CCSER2: variants seen among roughly 807,000 people sequenced by gnomAD.
CCSER2 encodes coiled-coil serine rich protein 2.
A neutral mutation model predicts 92.3 loss-of-function variants in CCSER2; 46 were observed. The ratio of observed to expected loss-of-function variants is 0.50; its 90% confidence interval spans 0.39 to 0.64. CCSER2 has a LOEUF of 0.64. Ranked by LOEUF, CCSER2 falls within the 30% of genes least tolerant of loss-of-function variation. The probability of loss-of-function intolerance (pLI) is 0.00; values close to 1 mark genes in which losing one functional copy is unlikely to be tolerated. For synonymous variants in CCSER2, 433 were observed against 431.4 expected (o/e 1.00, Z -0.04); for missense variants, 1,244 against 1,238.9 (o/e 1.00, Z -0.06).
At chr10:84,473,411 A>G (rs1846936289) in intron 8 of CCSER2, among the ~76,000 whole-genome samples, 1 of 152,222 alleles carries the variant, frequency 6.6e-6, no homozygotes, top group South Asian at 2.1e-4. Flanking sequence ...GGCTAATGTT[A>G]GTGTGGTTTT....
chr10:84,393,519 G>A (rs953318982), intron 3 of CCSER2, among the ~76,000 whole-genome samples: 1 of 152,104 alleles, frequency 6.6e-6, no homozygotes, highest in Non-Finnish European at 1.5e-5. Context: ...GTTAATGGGT[G>A]TAATGCAGGG....
intron 6 of CCSER2, among the ~76,000 whole-genome samples, chr10:84,461,759 G>A (rs935340342): frequency 7.3e-5 from 11 of 151,018 alleles, no homozygotes; most frequent in Non-Finnish European, 1.2e-4. Flanking sequence ...ATCTCTTCCA[G>A]TTCTACCTTC....
At chr10:84,480,404 C>T (rs1847390532) in intron 9 of CCSER2, among the ~76,000 whole-genome samples, 2 of 152,124 alleles carry the variant, frequency 1.3e-5, no homozygotes, top group South Asian at 4.1e-4. Context: ...AATAAGAAAA[C>T]TCCTCTACAA....
At chr10:84,444,218 T>A (rs1261085322) in intron 6 of CCSER2, among the ~76,000 whole-genome samples, 1 of 152,144 alleles carries the variant, frequency 6.6e-6, no homozygotes, top group Non-Finnish European at 1.5e-5. Context: ...GTCAAGGACC[T>A]TGTGTGCCAT....
intron 9 of CCSER2, among the ~76,000 whole-genome samples, chr10:84,505,100 T>C (rs1848972201): frequency 6.6e-6 from 1 of 152,184 alleles, no homozygotes; most frequent in Non-Finnish European, 1.5e-5. Flanking sequence ...GTATTTTCAG[T>C]CGTTCTGCTT....
At chr10:84,423,889 G>C (rs1016403722) in intron 4 of CCSER2, among the ~76,000 whole-genome samples, 1 of 149,586 alleles carries the variant, frequency 6.7e-6, no homozygotes, top group Non-Finnish European at 1.5e-5. Flanking sequence ...ATTCATGCCT[G>C]TAAGCCCAGC....
At chr10:84,407,678 A>C (rs1842445052) in intron 3 of CCSER2, among the ~76,000 whole-genome samples, 1 of 152,228 alleles carries the variant, frequency 6.6e-6, no homozygotes, top group Non-Finnish European at 1.5e-5. Flanking sequence ...CCAGAATAAT[A>C]CTTCTCTAGT....
rs1848628501 is a variant in CCSER2, at chr10:84,499,822, T to A, written c.2326-13627T>A. The A allele has an allele frequency of 2.5e-6, 4 of 1,581,428 alleles. No homozygotes were observed. The East Asian group carries it at 9.0e-5, about 35-fold the overall frequency. ...AACAAAGTATGACTTGGTTTCTCTA[T>A]TTTTTGGTTCCCTTTTTTATTATAC... On this transcript the variant is annotated intron_variant, in intron 9 of 9. Transcript: ENST00000372088.
At chr10:84,452,015 C>CTATA (rs1372332201) in intron 6 of CCSER2, among the ~76,000 whole-genome samples, 2 of 152,100 alleles carry the variant, frequency 1.3e-5, no homozygotes, top group Non-Finnish European at 2.9e-5. Flanking sequence ...GATTGTTCAT[C>CTATA]TATATACCTT....
intron 9 of CCSER2, among the ~76,000 whole-genome samples, chr10:84,503,993 G>A (rs1408215492): frequency 6.6e-6 from 1 of 152,170 alleles, no homozygotes; most frequent in East Asian, 1.9e-4. Context: ...TGACAGCCCA[G>A]TATACATTTA....
intron 9 of CCSER2, among the ~76,000 whole-genome samples, chr10:84,479,756 G>T (rs1289334644): frequency 6.6e-6 from 1 of 152,204 alleles, no homozygotes; most frequent in African/African-American, 2.4e-5. Context: ...AAGAAGCTAA[G>T]ACTAAGAAGT....
At chr10:84,380,683 G>C (rs1049719824) in intron 3 of CCSER2, among the ~76,000 whole-genome samples, 14 of 148,736 alleles carry the variant, frequency 9.4e-5, no homozygotes. Context: ...TGGATTCTCT[G>C]TGTTCCTTTT....
chr10:84,419,321 G>A (rs566003933), intron 4 of CCSER2, among the ~76,000 whole-genome samples: 1 of 144,598 alleles, frequency 6.9e-6, no homozygotes, highest in East Asian at 2.0e-4. Flanking sequence ...GGAGAAAGGA[G>A]CCCATAAAAT....
chr10:84,350,158 T>A (rs1035455829), intron 1 of CCSER2, among the ~76,000 whole-genome samples: 1 of 152,108 alleles, frequency 6.6e-6, no homozygotes, highest in Non-Finnish European at 1.5e-5. Flanking sequence ...CTCCAAAAAG[T>A]AATAATAATA....
rs1160555753 is a variant in CCSER2, at chr10:84,367,371, TC to T, written c.-39-3642del. ...TAATTCAATATCTTTGTCTTTTTTT[TC>T]TCCTCGATACTTTTTTTTTTTTGAA... On this transcript the variant is annotated intron_variant, in intron 1 of 9. Transcript: ENST00000372088. Among the ~76,000 whole-genome samples, 13 of 150,568 alleles carry T rather than the reference TC, an allele frequency of 8.6e-5. No homozygotes were observed. In the East Asian group the frequency reaches 2.5e-3, roughly 29 times the overall value.
At chr10:84,396,783 C>T (rs1047223929) in intron 3 of CCSER2, among the ~76,000 whole-genome samples, 25 of 152,168 alleles carry the variant, frequency 1.6e-4, no homozygotes, top group African/African-American at 5.5e-4. Context: ...GTGATCGACC[C>T]GTCTTGGCCT....
chr10:84,414,021 A>C (rs928802415), intron 3 of CCSER2, among the ~76,000 whole-genome samples: 1 of 151,576 alleles, frequency 6.6e-6, no homozygotes, highest in African/African-American at 2.4e-5. Flanking sequence ...CCTTCCCTTT[A>C]TTTTGAGCCT....
intron 1 of CCSER2, among the ~76,000 whole-genome samples, chr10:84,341,802 A>T (rs926538853): frequency 1.3e-5 from 2 of 152,142 alleles, no homozygotes; most frequent in Non-Finnish European, 2.9e-5. Context: ...TTAGGGAAAC[A>T]CTTCACTTAT....
intron 1 of CCSER2, among the ~76,000 whole-genome samples, chr10:84,360,278 G>A (rs1286959455): frequency 6.6e-6 from 1 of 152,114 alleles, no homozygotes; most frequent in Non-Finnish European, 1.5e-5. Context: ...ATTTAATGGA[G>A]TGTTTCAGAT....
Sources: allele counts gnomAD v4.1 joint callset (sites outside exome capture counted in the v4.1 genomes callset), GRCh38; gene constraint gnomAD v4.1.1; transcripts MANE v1.5; gene names NCBI Gene and HGNC (gene_info 2026-07-23, HGNC 2026-07-21).